The following ANK3 variants were observed in gnomAD, a reference collection of about 807,000 sequenced individuals.
ANK3 encodes the protein ankyrin 3.
A neutral mutation model predicts 370.9 loss-of-function variants in ANK3; 57 were observed. The observed-to-expected ratio is 0.15, with a 90% CI of 0.12 to 0.19. The LOEUF (loss-of-function observed/expected upper bound fraction) is 0.19. Among genes scored for constraint, ANK3 ranks in the 10% least tolerant of loss-of-function variants. The pLI is 1.00. For synonymous variants in ANK3, 1,929 were observed against 1,946.3 expected, an observed-to-expected ratio of 0.99 and a Z score of 0.23; for missense variants, 4,439 against 5,302.1, an observed-to-expected ratio of 0.84 and a Z score of 5.06.
chr10:60,330,516 A>G (rs2050978008), intron 1 of ANK3, among the ~76,000 whole-genome samples: 1 of 152,224 alleles, frequency 6.6e-6, no homozygotes, highest in African/African-American at 2.4e-5. Context: ...CAAACATGAA[A>G]AAAAAGCTCA....
intron 2 of ANK3, among the ~76,000 whole-genome samples, chr10:60,432,298 G>A: frequency 6.6e-6 from 1 of 152,112 alleles, no homozygotes; most frequent in East Asian, 1.9e-4. Context: ...TTATATGAAG[G>A]TATCAAGAGT....
intron 1 of ANK3, among the ~76,000 whole-genome samples, chr10:60,301,809 C>G (rs2132806284): frequency 6.6e-6 from 1 of 152,298 alleles, no homozygotes; most frequent in African/African-American, 2.4e-5. Context: ...TGTTCTCACA[C>G]TTCAGATAAC....
intron 28 of ANK3, among the ~76,000 whole-genome samples, chr10:60,095,852 T>C (rs2090011851): frequency 6.6e-6 from 1 of 152,198 alleles, no homozygotes; most frequent in African/African-American, 2.4e-5. Flanking sequence ...TAAACCTCTT[T>C]CTGGAAGTTT....
rs116619627 is a variant in ANK3, at chr10:60,092,619, T to C, written c.3329-4261A>G. ...CTTCTTTAATTAAAAAAGTAACTAT[T>C]AGAAAAAAAAGGAACTGCAATTTTA... On this transcript the variant is annotated intron_variant, in intron 28 of 43. Transcript: ENST00000280772. Among the ~76,000 whole-genome samples the C allele has an allele frequency of 5.1e-3, 781 of 152,240 alleles. 7 individuals carry two copies. The highest frequency in any genetic ancestry group is 0.018 in the African/African-American group (749 of 41,552).
At chr10:60,701,838 T>A (rs1396845550) in intron 1 of ANK3, among the ~76,000 whole-genome samples, 1 of 152,082 alleles carries the variant, frequency 6.6e-6, no homozygotes, top group Non-Finnish European at 1.5e-5. Context: ...GCCTATTACG[T>A]TTAAAACTAT....
At chr10:60,142,233 T>C (rs2094600397) in intron 23 of ANK3, among the ~76,000 whole-genome samples, 1 of 152,218 alleles carries the variant, frequency 6.6e-6, no homozygotes, top group African/African-American at 2.4e-5. Flanking sequence ...TTAAACTCTT[T>C]AGACTTTGAG....
At chr10:60,436,276 A>G (rs2064157403) in intron 2 of ANK3, among the ~76,000 whole-genome samples, 1 of 152,146 alleles carries the variant, frequency 6.6e-6, no homozygotes, top group Non-Finnish European at 1.5e-5. Flanking sequence ...TGCTATGAAC[A>G]TTTGTGTTCA....
chr10:60,304,015 A>C (rs189136785), intron 1 of ANK3, among the ~76,000 whole-genome samples: 5 of 152,220 alleles, frequency 3.3e-5, no homozygotes, highest in Admixed American at 3.3e-4. Flanking sequence ...CGGACACAGA[A>C]AGAAAAACAT....
chr10:60,500,463 C>T (rs2075768752), intron 2 of ANK3, among the ~76,000 whole-genome samples: 1 of 152,086 alleles, frequency 6.6e-6, no homozygotes, highest in African/African-American at 2.4e-5. Flanking sequence ...GTACCTTGTG[C>T]ACAAAAAGAG....
At chr10:60,175,515 T>G (rs2095907362) in intron 18 of ANK3, among the ~76,000 whole-genome samples, 1 of 152,240 alleles carries the variant, frequency 6.6e-6, no homozygotes, top group South Asian at 2.1e-4. Flanking sequence ...CTCTTTGTCA[T>G]AGCTGCCTCA....
At chr10:60,225,043 A>G (rs1391611248) in intron 8 of ANK3, among the ~76,000 whole-genome samples, 2 of 151,692 alleles carry the variant, frequency 1.3e-5, no homozygotes, top group Admixed American at 6.6e-5. Context: ...CCTCCCAAGT[A>G]GCTGGGATTA....
intron 1 of ANK3, among the ~76,000 whole-genome samples, chr10:60,661,448 C>A (rs1245818571): frequency 1.3e-5 from 2 of 152,084 alleles, no homozygotes; most frequent in Non-Finnish European, 2.9e-5. Flanking sequence ...CATGCCCAGA[C>A]ATACAGATTA....
intron 2 of ANK3, among the ~76,000 whole-genome samples, chr10:60,450,670 G>A (rs541271613): frequency 6.6e-6 from 1 of 152,116 alleles, no homozygotes; most frequent in East Asian, 1.9e-4. Flanking sequence ...TGCCTTAGAG[G>A]ATAAAACAGG....
At chr10:60,392,721 G>C (rs2063138129), upstream of ANK3, among the ~76,000 whole-genome samples, 1 of 152,150 alleles carries the variant, frequency 6.6e-6, no homozygotes, top group South Asian at 2.1e-4. Context: ...TTGAGGTCAG[G>C]AGTTCGAGAC....
chr10:60,251,753 C>T (rs116232170), intron 7 of ANK3, among the ~76,000 whole-genome samples: 1,558 of 152,296 alleles, frequency 0.01, 42 homozygotes, highest in African/African-American at 0.036. Context: ...ATTTCCCCTT[C>T]ATATGTGTCA....
intron 1 of ANK3, among the ~76,000 whole-genome samples, chr10:60,722,223 C>T (rs2079874338): frequency 6.6e-6 from 1 of 151,838 alleles, no homozygotes; most frequent in Non-Finnish European, 1.5e-5. Flanking sequence ...GCTTATGCAC[C>T]TGTTCTGTTG....
intron 1 of ANK3, among the ~76,000 whole-genome samples, chr10:60,324,795 T>G (rs562310372): frequency 6.6e-6 from 1 of 152,282 alleles, no homozygotes; most frequent in Non-Finnish European, 1.5e-5. Flanking sequence ...AAATATAAGG[T>G]CATTGAGCAG....
chr10:60,453,298 C>T (rs1265800235), intron 2 of ANK3, among the ~76,000 whole-genome samples: 1 of 152,314 alleles, frequency 6.6e-6, no homozygotes, highest in East Asian at 1.9e-4. Context: ...GGGCTCTTTT[C>T]ACCCTCTTTC....
At chr10:60,414,703 T>C (rs1194808270) in intron 2 of ANK3, among the ~76,000 whole-genome samples, 4 of 152,316 alleles carry the variant, frequency 2.6e-5, no homozygotes. Context: ...TCTTACTTTA[T>C]ATATTACTGG....
Sources: allele counts gnomAD v4.1 joint callset (sites outside exome capture counted in the v4.1 genomes callset), GRCh38; gene constraint gnomAD v4.1.1; transcripts MANE v1.5; gene names NCBI Gene and HGNC (gene_info 2026-07-23, HGNC 2026-07-21).